The following TMEM237 variants were observed in gnomAD, a reference collection of about 807,000 sequenced individuals.
TMEM237 encodes amyotrophic lateral sclerosis 2 (juvenile) chromosome region, candidate 4.
A neutral mutation model predicts 59.1 loss-of-function variants in TMEM237; 51 were observed. The ratio of observed to expected loss-of-function variants is 0.86; its 90% CI spans 0.69 to 1.09. The LOEUF is 1.09. Among genes scored for constraint, TMEM237 ranks in the 50% least tolerant of loss-of-function variants. The pLI, the probability that TMEM237 is intolerant of heterozygous loss-of-function variation, is 0.00. For missense variants in TMEM237, 475 were observed against 478.3 expected (o/e 0.99, Z 0.06); for synonymous variants, 140 against 166.1 (o/e 0.84, Z 1.21).
intron 7 of TMEM237, 43 bp downstream of exon 7, chr2:201,632,008 A>G (rs766871760): frequency 1.2e-6 from 2 of 1,600,360 alleles, no homozygotes; most frequent in Non-Finnish European, 1.7e-6. Flanking sequence ...ATCCTTGGAC[A>G]ATTTTTAAAG....
Position 201,621,205 on chromosome 2 carries a change from T to G in TMEM237, c.*3050A>C, listed in dbSNP as rs1209398793. 6.6e-6 allele frequency: 1 copy of G among 152,072 alleles called. No individual in the cohort carries two copies. The highest frequency in any genetic ancestry group is 1.5e-5 in the Non-Finnish European group (1 of 68,000). The allele number at this position is 152,072 out of a possible 1,614,324, so 9.4% of individuals were successfully genotyped here. On this transcript the variant is annotated 3_prime_UTR_variant, in exon 13 of 13. Coordinates refer to ENST00000409883, the MANE Select transcript of TMEM237 (RefSeq NM_001044385.3). The stretch of plus-strand genomic sequence containing the variant: ...TCAGGAGATTGAGGAACAAATTAAG[T>G]GATGTCATTAGGAAAAAGTCAGACA...
chr2:201,627,318 TA>T lies in TMEM237; in HGVS notation c.1037+2del. 2 of 1,598,836 alleles carry T rather than the reference TA, an allele frequency of 1.3e-6. No homozygotes were observed. The highest frequency in any genetic ancestry group is 1.7e-6 in the Non-Finnish European group (2 of 1,170,566). ...AATTGCTAATGTCATTGTGAATTCT[TA>T]CCAGAGGCTACCATTAACAGAAGAA... On this transcript the variant is annotated splice_donor_variant, in intron 11 of 12. Coordinates refer to ENST00000409883, the MANE Select transcript of TMEM237 (RefSeq NM_001044385.3). LOFTEE classifies it high-confidence loss of function.
chr2:201,633,165 A>T, intron 6 of TMEM237, 146 bp downstream of exon 6: 1 of 693,320 alleles, frequency 1.4e-6, no homozygotes, highest in Non-Finnish European at 2.1e-6. Context: ...CGATTGGTTT[A>T]ACTGATTTTT....
intron 9 of TMEM237, 74 bp from the exon 10 acceptor site, chr2:201,628,223 T>C: frequency 9.3e-7 from 1 of 1,074,412 alleles, no homozygotes. Flanking sequence ...GACTATAGTT[T>C]TTTCCTTCTC....
chr2:201,627,062 A>G (rs1957765633), intron 11 of TMEM237, among the ~76,000 whole-genome samples: 1 of 150,546 alleles, frequency 6.6e-6, no homozygotes, highest in Non-Finnish European at 1.5e-5. Context: ...CATGGGTGAC[A>G]CAGCGAGACT....
At position 201,624,083 on chromosome 2, in the gene TMEM237, GA is replaced by G. The variant is rs2105896292; in HGVS notation, c.*171del. The G allele has an allele frequency of 2.2e-6, 1 of 462,422 alleles. No individual in the cohort carries two copies. Among genetic ancestry groups the G allele is most frequent in the East Asian group, 3.4e-5 (1 of 29,562 alleles). 28.6% of individuals were successfully genotyped at this position (462,422 alleles called of 1,614,324 possible). On this transcript the variant is annotated 3_prime_UTR_variant, in exon 13 of 13. Transcript: ENST00000409883. ...ATAATGCTAGACAAATTAATGTTTAGACATAAACAGCAAACACAATTTTAAC... is the reference window on the plus strand; with the variant it reads ...ATAATGCTAGACAAATTAATGTTTAGCATAAACAGCAAACACAATTTTAAC...
At chr2:201,636,129 G>A (rs1487347897) in intron 5 of TMEM237, 4 of 152,154 alleles carry the variant, frequency 2.6e-5, no homozygotes, top group African/African-American at 9.7e-5. Context: ...TTAAATATCT[G>A]GGTCATTACC....
In TMEM237 at chr2:201,634,825, C is replaced by T. The variant is rs926121804; in HGVS notation, c.275-1394G>A. On this transcript the variant is annotated intron_variant, in intron 5 of 12. Coordinates refer to ENST00000409883, the MANE Select transcript of TMEM237 (RefSeq NM_001044385.3). ...TTGCCTTCCAAAATTATGCTCCATT[C>T]TCCTGACTTTTCTAGTTCCTGCCCT... 7.0e-5 allele frequency: 30 copies of T among 427,970 alleles called. 1 individual carries two copies. The highest frequency in any genetic ancestry group is 5.8e-4 in the African/African-American group (28 of 48,044). 26.5% of individuals were successfully genotyped at this position (427,970 alleles called of 1,614,324 possible). A position where few individuals can be genotyped will look rare whatever the true frequency, so the allele number is the denominator to read the frequency against.
rs1378726802 is a variant in TMEM237 at position 201,643,358 on chromosome 2, C to T, written c.42+1G>A. On this transcript the variant is annotated splice_donor_variant, in intron 1 of 12. Transcript: ENST00000409883. LOFTEE classifies it high-confidence loss of function. This position sits in a 1 kb window ranked among gnomAD's most constrained non-coding sequence, Gnocchi z 4.3. Reference sequence around the variant, plus strand: ...AGGCCGACGCGCCCCTCGCCGCTCACCAGGTGGCCCTCCTCCAGCCGAGCC... The same window carrying T: ...AGGCCGACGCGCCCCTCGCCGCTCATCAGGTGGCCCTCCTCCAGCCGAGCC... 148 of 1,547,016 alleles carry T rather than the reference C, an allele frequency of 9.6e-5. No individual in the cohort carries two copies. The highest frequency in any genetic ancestry group is 1.2e-4 in the Non-Finnish European group (143 of 1,145,446).
Position 201,639,024 on chromosome 2 carries a change from GGAC to G in TMEM237, c.98_100del (p.Arg33del), listed in dbSNP as rs763123198. 11 of 1,582,550 alleles carry G rather than the reference GGAC, an allele frequency of 7.0e-6. No homozygotes were observed. The highest frequency in any genetic ancestry group is 7.7e-6 in the Non-Finnish European group (9 of 1,163,352). ...TTTTGTTCTGGGCTTCTTTTTCTTA[GGAC>G]GACTAAGTGGAATATCATCTATAAA... is the stretch of plus-strand genomic sequence containing the variant. On this transcript the variant is annotated inframe_deletion, in exon 4 of 13. Coordinates refer to ENST00000409883, the MANE Select transcript of TMEM237 (RefSeq NM_001044385.3).
rs1957713259 is a variant in TMEM237, at chr2:201,622,088, G to A, written c.*2167C>T. Reference sequence around the variant, plus strand: ...CTTGTACAGGGCCACTAGCTGCTCAGGTTTATATGCCTCCTGGGTCATTAC... The same window carrying A: ...CTTGTACAGGGCCACTAGCTGCTCAAGTTTATATGCCTCCTGGGTCATTAC... On this transcript the variant is annotated 3_prime_UTR_variant, in exon 13 of 13. Coordinates refer to ENST00000409883, the MANE Select transcript of TMEM237 (RefSeq NM_001044385.3). The A allele has an allele frequency of 1.3e-5, 2 of 152,106 alleles. No individual in the cohort carries two copies. Among genetic ancestry groups the A allele is most frequent in the South Asian group, 4.1e-4 (2 of 4,830 alleles). 9.4% of individuals were successfully genotyped at this position (152,106 alleles called of 1,614,324 possible).
chr2:201,643,086 G>A lies in TMEM237; in HGVS notation c.42+273C>T. The A allele has an allele frequency of 2.9e-6, 3 of 1,027,066 alleles. No individual in the cohort carries two copies. Among genetic ancestry groups the A allele is most frequent in the Non-Finnish European group, 3.9e-6 (3 of 760,242 alleles). 63.6% of individuals were successfully genotyped at this position (1,027,066 alleles called of 1,614,324 possible). A position where few individuals can be genotyped will look rare whatever the true frequency, so the allele number is the denominator to read the frequency against. On this transcript the variant is annotated intron_variant, in intron 1 of 12. Transcript: ENST00000409883. This position sits in a 1 kb window ranked among gnomAD's most constrained non-coding sequence, Gnocchi z 4.3. Reference sequence around the variant, plus strand: ...ACCCGCCGGGCCCCGGGCCTCAGATGAGTGAGGCGTCGTCGTGGCAACGCG... The same window carrying A: ...ACCCGCCGGGCCCCGGGCCTCAGATAAGTGAGGCGTCGTCGTGGCAACGCG...
rs1247642215 is a variant in TMEM237, at chr2:201,621,521, T to TG, written c.*2733dup. ...AACCAAACAAAACAGTAAAAGGAAA[T>TG]GAACTATTGATACACACAACAGCTG... On this transcript the variant is annotated 3_prime_UTR_variant, in exon 13 of 13. Transcript: ENST00000409883. 1 of 151,892 alleles carries TG rather than the reference T, an allele frequency of 6.6e-6. No homozygotes were observed. Among genetic ancestry groups the TG allele is most frequent in the African/African-American group, 2.4e-5 (1 of 41,308 alleles). The allele number at this position is 151,892 out of a possible 1,614,324, so 9.4% of individuals were successfully genotyped here. A position where few individuals can be genotyped will look rare whatever the true frequency, so the allele number is the denominator to read the frequency against.
At chr2:201,640,175 T>C (rs945729875) in intron 3 of TMEM237, 86 bp downstream of exon 3, 77 of 1,109,406 alleles carry the variant, frequency 6.9e-5, no homozygotes, top group Non-Finnish European at 8.8e-5. Context: ...AATTACACCA[T>C]TCAGACTCAG....
intron 4 of TMEM237, among the ~76,000 whole-genome samples, chr2:201,637,934 G>A (rs1237406939): frequency 6.6e-6 from 1 of 152,110 alleles, no homozygotes; most frequent in Non-Finnish European, 1.5e-5. Flanking sequence ...GACTCTACAG[G>A]TAGCAAGATA....
chr2:201,623,442 A>G lies in TMEM237; in HGVS notation c.*813T>C, dbSNP rs932994156. On this transcript the variant is annotated 3_prime_UTR_variant, in exon 13 of 13. Coordinates refer to ENST00000409883, the MANE Select transcript of TMEM237 (RefSeq NM_001044385.3). The stretch of plus-strand genomic sequence containing the variant: ...TGGAGAACAGAGATGGTGAATTTCT[A>G]CTCCTATTTCTTGTCACTCAGAAAA... 1.2e-5 allele frequency: 2 copies of G among 161,852 alleles called. No individual in the cohort carries two copies. The highest frequency in any genetic ancestry group is 4.8e-5 in the African/African-American group (2 of 41,976). 10.0% of individuals were successfully genotyped at this position (161,852 alleles called of 1,614,324 possible). A position where few individuals can be genotyped will look rare whatever the true frequency, so the allele number is the denominator to read the frequency against.
At chr2:201,640,701 A>T (rs1687395538) in intron 2 of TMEM237, among the ~76,000 whole-genome samples, 192 bp downstream of exon 2, 2 of 152,080 alleles carry the variant, frequency 1.3e-5, no homozygotes, top group South Asian at 4.1e-4. Flanking sequence ...GCTTTTAAAT[A>T]TAACATTCCA....
rs1284412661 is a variant in TMEM237 at position 201,620,202 on chromosome 2, CTTT to C, written c.*4050_*4052del. On this transcript the variant is annotated 3_prime_UTR_variant, in exon 13 of 13. Transcript: ENST00000409883. ...ACAAAACCAGAGAATTCCAGAACTT[CTTT>C]ATTGTACATAAAAATCTGAATTTCT... 7.2e-5 allele frequency: 11 copies of C among 152,128 alleles called. No individual in the cohort carries two copies. Among genetic ancestry groups the C allele is most frequent in the Middle Eastern group, 3.2e-3 (1 of 316 alleles). The allele number at this position is 152,128 out of a possible 1,614,324, so 9.4% of individuals were successfully genotyped here. A position where few individuals can be genotyped will look rare whatever the true frequency, so the allele number is the denominator to read the frequency against.
Position 201,623,114 on chromosome 2 carries a change from C to A in TMEM237, c.*1141G>T. On this transcript the variant is annotated 3_prime_UTR_variant, in exon 13 of 13. Transcript: ENST00000409883. ...CAAAAGAGATTCCCAGTATAATGTTCACTCCAAATTTAGACCTATTGTCAG... is the reference window on the plus strand; with the variant it reads ...CAAAAGAGATTCCCAGTATAATGTTAACTCCAAATTTAGACCTATTGTCAG... 1 of 206,004 alleles carries A rather than the reference C, an allele frequency of 4.9e-6. No individual in the cohort carries two copies. The highest frequency in any genetic ancestry group is 7.3e-5 in the South Asian group (1 of 13,670). The allele number at this position is 206,004 out of a possible 1,614,324, so 12.8% of individuals were successfully genotyped here. A position where few individuals can be genotyped will look rare whatever the true frequency, so the allele number is the denominator to read the frequency against.
Sources: allele counts gnomAD v4.1 joint callset (sites outside exome capture counted in the v4.1 genomes callset), GRCh38; gene constraint gnomAD v4.1.1; non-coding constraint Gnocchi (gnomAD v3.1); transcripts MANE v1.5; gene names NCBI Gene and HGNC (gene_info 2026-07-23, HGNC 2026-07-21).